Variants in ANKS1A observed in about 807,000 individuals in gnomAD.
The protein encoded by ANKS1A is ankyrin repeat and SAM domain-containing protein 1A.
In ANKS1A, 55 loss-of-function variants were observed where a neutral mutation model predicts 120.3. The observed-to-expected ratio is 0.46, with a 90% CI of 0.37 to 0.57. The LOEUF is 0.57. Ranked by LOEUF, ANKS1A falls within the 20% of genes least tolerant of loss-of-function variation. The pLI, the probability that ANKS1A is intolerant of heterozygous loss-of-function variation, is 0.00. For synonymous variants in ANKS1A, 590 were observed against 604.7 expected (o/e 0.98, Z 0.36); for missense variants, 1,123 against 1,480.3 (o/e 0.76, Z 3.96).
chr6:35,085,434 A>G lies in ANKS1A; in HGVS notation c.3133-332A>G, dbSNP rs773745132. ...ACTTTGTCGGTGACACATTAAAAAT[A>G]AAAGCACTAGCACCACTTACATTAA... On this transcript the variant is annotated intron_variant, in intron 21 of 23. Transcript: ENST00000360359. The surrounding 1 kb of genome is among the most constrained non-coding windows in gnomAD (Gnocchi z 4.7). Among the ~76,000 whole-genome samples the G allele has an allele frequency of 4.6e-5, 7 of 152,226 alleles. No individual in the cohort carries two copies. The highest frequency in any genetic ancestry group is 8.8e-5 in the Non-Finnish European group (6 of 68,040).
chr6:35,021,253 C>T (rs910835040), intron 11 of ANKS1A, among the ~76,000 whole-genome samples: 13 of 152,144 alleles, frequency 8.5e-5, no homozygotes, highest in Non-Finnish European at 1.8e-4. Context: ...GTCCTTGGAC[C>T]CCCGGGAGGT....
chr6:34,909,360 A>C (rs556279582), intron 1 of ANKS1A, among the ~76,000 whole-genome samples: 2 of 152,196 alleles, frequency 1.3e-5, no homozygotes, highest in Non-Finnish European at 2.9e-5. Flanking sequence ...GCCATGCTCT[A>C]TGTCTTCAAC....
Position 34,982,890 on chromosome 6 carries a change from T to A in ANKS1A, c.808+63T>A. The A allele has an allele frequency of 3.8e-6, 6 of 1,583,904 alleles. No individual in the cohort carries two copies. The highest frequency in any genetic ancestry group is 5.2e-6 in the Non-Finnish European group (6 of 1,152,916). ...CAGGGTTGGGATTGTTTCTCCCTAG[T>A]CCCCTAGGGGGATTTTTGCTGGCTG... On this transcript the variant is annotated intron_variant, in intron 5 of 23. Coordinates refer to ENST00000360359, the MANE Select transcript of ANKS1A (RefSeq NM_015245.3). The surrounding 1 kb of genome is among the most constrained non-coding windows in gnomAD (Gnocchi z 4.9).
At chr6:34,926,672 A>G (rs545610669) in intron 1 of ANKS1A, among the ~76,000 whole-genome samples, 3 of 152,120 alleles carry the variant, frequency 2.0e-5, no homozygotes, top group African/African-American at 7.2e-5. Context: ...TAAAAGGTGC[A>G]ATGGCTCATT....
Position 35,060,207 on chromosome 6 carries a change from A to G in ANKS1A, c.2138A>G (p.Tyr713Cys). ...CTGGAGTCGATTGGGCTGCAGCAGT[A>G]TGAGAGCAAGTTGCTTCTGAATGGC... ...EWLESIGLQQ[Y>C]ESKLLLNGFD... is the part of the protein sequence containing the mutation. The change falls in exon 13 of 24, where the codon TAT (tyrosine) becomes TGT (cysteine). Residue 713 changes from tyrosine (Y) to cysteine (C), a missense_variant. Around this residue, in one of 3 missense-constraint regions of ANKS1A, gnomAD observed 904 missense variants for 1,130.4 expected, o/e 0.80. Transcript: ENST00000360359. The surrounding 1 kb of genome is among the most constrained non-coding windows in gnomAD (Gnocchi z 4.5). 1.2e-6 allele frequency: 2 copies of G among 1,613,130 alleles called. No homozygotes were observed. Among genetic ancestry groups the G allele is most frequent in the Non-Finnish European group, 1.7e-6 (2 of 1,179,868 alleles).
intron 1 of ANKS1A, among the ~76,000 whole-genome samples, chr6:34,925,953 G>A (rs536076014): frequency 8.9e-4 from 136 of 152,274 alleles, no homozygotes; most frequent in South Asian, 3.5e-3. Context: ...GTCAGTAGGC[G>A]GAGGTTGAGA....
At position 35,088,595 on chromosome 6, in the gene ANKS1A, C is replaced by G; in HGVS notation, c.3402-11C>G. On this transcript the variant is annotated splice_polypyrimidine_tract_variant and intron_variant, in intron 23 of 23. Coordinates refer to ENST00000360359, the MANE Select transcript of ANKS1A (RefSeq NM_015245.3). ...AACCCTTTCCTCCCCCCATTGTTTGCTTCTGCCAAGCTGAGCCACTGAGGA... is the reference window on the plus strand; with the variant it reads ...AACCCTTTCCTCCCCCCATTGTTTGGTTCTGCCAAGCTGAGCCACTGAGGA... 6.2e-7 allele frequency: 1 copy of G among 1,614,232 alleles called. No homozygotes were observed. Among genetic ancestry groups the G allele is most frequent in the South Asian group, 1.1e-5 (1 of 91,092 alleles).
chr6:34,954,207 A>C (rs1017112632), intron 1 of ANKS1A, among the ~76,000 whole-genome samples: 12 of 152,302 alleles, frequency 7.9e-5, no homozygotes, highest in Admixed American at 7.2e-4. Context: ...GCTGTTCACT[A>C]TCCACCTTTC....
intron 11 of ANKS1A, among the ~76,000 whole-genome samples, chr6:35,037,475 G>C (rs766216511): frequency 6.6e-6 from 1 of 152,176 alleles, no homozygotes; most frequent in African/African-American, 2.4e-5. Flanking sequence ...GTAGGGGAGT[G>C]GGGGAGTGAG....
chr6:34,919,374 T>G (rs558957432), intron 1 of ANKS1A, among the ~76,000 whole-genome samples: 30 of 152,308 alleles, frequency 2.0e-4, no homozygotes, highest in African/African-American at 7.0e-4. Flanking sequence ...GCAGTCTGGC[T>G]CACTTCTCTT....
At chr6:35,073,887 T>C (rs1162172757) in intron 13 of ANKS1A, among the ~76,000 whole-genome samples, 2 of 152,082 alleles carry the variant, frequency 1.3e-5, no homozygotes, top group African/African-American at 4.8e-5. Flanking sequence ...TGGCACTGAG[T>C]AGTCACCACA....
intron 1 of ANKS1A, among the ~76,000 whole-genome samples, chr6:34,931,814 C>T (rs554511956): frequency 4.6e-5 from 7 of 152,150 alleles, no homozygotes; most frequent in African/African-American, 7.2e-5. Flanking sequence ...AAATAACACC[C>T]GTTTCTGTGA....
chr6:35,082,722 G>A lies in ANKS1A; in HGVS notation c.2741G>A (p.Arg914Gln), dbSNP rs201109760. 24 of 1,612,066 alleles carry A rather than the reference G, an allele frequency of 1.5e-5. No individual in the cohort carries two copies. Among genetic ancestry groups the A allele is most frequent in the Admixed American group, 5.0e-5 (3 of 59,678 alleles). Residue 914 changes from arginine (R) to glutamine (Q), a missense_variant, in exon 18 of 24, where the codon CGG becomes CAG. Physicochemically the swap from Arg to Gln is conservative, Grantham distance 43. Around this residue, in one of 3 missense-constraint regions of ANKS1A, gnomAD observed 904 missense variants for 1,130.4 expected, o/e 0.80. Coordinates refer to ENST00000360359, the MANE Select transcript of ANKS1A (RefSeq NM_015245.3). The surrounding 1 kb of genome is among the most constrained non-coding windows in gnomAD (Gnocchi z 4.1). ...CACCGTGAGGCCAAGCTGACCCTGC[G>A]GCCCCCGAGCCTGGCAGCCCCCTAC... ...EEHREAKLTL[R>Q]PPSLAAPYAP...
rs1766715780 is a variant in ANKS1A at position 34,889,906 on chromosome 6, C to T, written c.197+307C>T. ...TCGCTCGCTACAGGGTGCCAGCTAT[C>T]GTAGCTCACAAAAGCCAATTAAGAG... On this transcript the variant is annotated intron_variant, in intron 1 of 23. Transcript: ENST00000360359. This position sits in a 1 kb window ranked among gnomAD's most constrained non-coding sequence, Gnocchi z 5.5. Among the ~76,000 whole-genome samples the T allele has an allele frequency of 6.6e-6, 1 of 151,932 alleles. No individual in the cohort carries two copies. Among genetic ancestry groups the T allele is most frequent in the African/African-American group, 2.4e-5 (1 of 41,286 alleles).
At chr6:34,993,921 T>G (rs143962865) in intron 9 of ANKS1A, among the ~76,000 whole-genome samples, 1 of 152,296 alleles carries the variant, frequency 6.6e-6, no homozygotes, top group Non-Finnish European at 1.5e-5. Flanking sequence ...TGGATTTTAT[T>G]TAGCATTTTT....
intron 13 of ANKS1A, among the ~76,000 whole-genome samples, chr6:35,074,449 T>C (rs820064): frequency 0.8 from 121,426 of 151,154 alleles, 49,655 homozygotes; most frequent in South Asian, 0.92. Flanking sequence ...AAAAAAAAAA[T>C]AGCCAGGCAT....
intron 1 of ANKS1A, among the ~76,000 whole-genome samples, chr6:34,938,295 T>C (rs1769357996): frequency 6.6e-6 from 1 of 152,244 alleles, no homozygotes. Flanking sequence ...TTAGGCTTTT[T>C]TGGAATAAGA....
At chr6:34,950,695 C>G (rs1234213566) in intron 1 of ANKS1A, among the ~76,000 whole-genome samples, 1 of 152,016 alleles carries the variant, frequency 6.6e-6, no homozygotes, top group Admixed American at 6.6e-5. Flanking sequence ...TCTGGCTAAA[C>G]TGACCTGACA....
chr6:34,918,822 C>T (rs948479791), intron 1 of ANKS1A, among the ~76,000 whole-genome samples: 4 of 152,018 alleles, frequency 2.6e-5, no homozygotes, highest in Non-Finnish European at 1.5e-5. Flanking sequence ...GTTACTGTTA[C>T]ATTTTGAGCT....
Sources: allele counts gnomAD v4.1 joint callset (sites outside exome capture counted in the v4.1 genomes callset), GRCh38; gene constraint gnomAD v4.1.1; regional missense constraint gnomAD v4.1.1; non-coding constraint Gnocchi (gnomAD v3.1); transcripts MANE v1.5; gene names NCBI Gene and HGNC (gene_info 2026-07-23, HGNC 2026-07-21).